The following SOX5 variants were observed in gnomAD, a reference collection of about 807,000 sequenced individuals.
SOX5 encodes the protein transcription factor SOX-5.
Under a neutral mutation model 92.0 loss-of-function variants are expected in SOX5, and 9 were observed. That is an observed-to-expected ratio of 0.10 (90% CI 0.06 to 0.17). The LOEUF (loss-of-function observed/expected upper bound fraction) is 0.17, where lower values mean the gene tolerates loss of function less well. SOX5 is among the 10% of genes least tolerant of loss of function. SOX5 has a pLI of 1.00. For synonymous variants in SOX5, 344 were observed against 336.3 expected, an observed-to-expected ratio of 1.02 and a Z score of -0.25; for missense variants, 642 against 944.5, an observed-to-expected ratio of 0.68 and a Z score of 4.20.
At chr12:24,112,956 G>A (rs2138178551) in intron 4 of SOX5, among the ~76,000 whole-genome samples, 1 of 151,760 alleles carries the variant, frequency 6.6e-6, no homozygotes, top group South Asian at 2.1e-4. Context: ...TATCAAGACT[G>A]AAAGCCATAA....
Position 23,977,403 on chromosome 12 carries a change from C to T in SOX5, c.-1-81379G>A, listed in dbSNP as rs972108263. Reference sequence around the variant, plus strand: ...AATAAAGGTGGGCCAAGCATGGTGGCTAACACCTGTAACCCCAGCACTTTG... The same window carrying T: ...AATAAAGGTGGGCCAAGCATGGTGGTTAACACCTGTAACCCCAGCACTTTG... On this transcript the variant is annotated intron_variant, in intron 4 of 4. Transcript: ENST00000446891. Among the ~76,000 whole-genome samples, 53 of 152,278 alleles carry T rather than the reference C, an allele frequency of 3.5e-4. 1 individual carries two copies. Among genetic ancestry groups the T allele is most frequent in the Non-Finnish European group, 6.5e-4 (44 of 68,016 alleles).
chr12:24,044,706 T>C lies in SOX5; in HGVS notation c.-1-148682A>G, dbSNP rs180929757. Among the ~76,000 whole-genome samples, 127 of 152,344 alleles carry C rather than the reference T, an allele frequency of 8.3e-4. 3 individuals carry two copies. The South Asian group carries it at 9.3e-3, about 11-fold the overall frequency. ...ACTGTCTTCATAAGGATTTCTACAA[T>C]GCATATTCCATATCGAACTGAACCT... is the stretch of plus-strand genomic sequence containing the variant. On this transcript the variant is annotated intron_variant, in intron 4 of 4. Coordinates refer to the SOX5 transcript ENST00000446891.
upstream of SOX5, among the ~76,000 whole-genome samples, chr12:23,951,731 T>A (rs1041262849): frequency 1.3e-5 from 2 of 151,988 alleles, no homozygotes; most frequent in Non-Finnish European, 2.9e-5. Flanking sequence ...TAACAAAACA[T>A]AGAACTATGA....
Position 24,393,875 on chromosome 12 carries a change from A to C in SOX5, c.-250-25236T>G, listed in dbSNP as rs541746604. Among the ~76,000 whole-genome samples the C allele has an allele frequency of 6.6e-6, 1 of 152,360 alleles. No individual in the cohort carries two copies. Among genetic ancestry groups the C allele is most frequent in the Admixed American group, 6.5e-5 (1 of 15,308 alleles). ...AAAAGAGAATAGCAAAAGAGAAAAG[A>C]CTAATTTTACATAGAATGGTTTGTA... is the stretch of plus-strand genomic sequence containing the variant. On this transcript the variant is annotated intron_variant, in intron 1 of 4. Transcript: ENST00000446891. The surrounding 1 kb of genome is among the most constrained non-coding windows in gnomAD (Gnocchi z 5.0).
chr12:24,367,903 T>C (rs528735590), intron 2 of SOX5: 7 of 152,184 alleles, frequency 4.6e-5, no homozygotes, highest in Non-Finnish European at 1.0e-4. Context: ...GAAAGCAGCA[T>C]TAGAATATAA....
chr12:24,338,804 G>C (rs1186760040), intron 2 of SOX5, among the ~76,000 whole-genome samples: 1 of 152,122 alleles, frequency 6.6e-6, no homozygotes, highest in South Asian at 2.1e-4. Flanking sequence ...CTACCACCAC[G>C]TAAGATGTGG....
At chr12:24,501,076 A>T (rs567889276) in intron 1 of SOX5, among the ~76,000 whole-genome samples, 1 of 152,218 alleles carries the variant, frequency 6.6e-6, no homozygotes, top group Non-Finnish European at 1.5e-5. Context: ...ATAAAGTTTC[A>T]TTACAAATTA....
chr12:24,214,032 T>A (rs1017046876), intron 3 of SOX5, among the ~76,000 whole-genome samples: 1 of 152,016 alleles, frequency 6.6e-6, no homozygotes, highest in Non-Finnish European at 1.5e-5. Flanking sequence ...ATGTATGGAA[T>A]ACATATGTGT....
chr12:24,449,410 C>T (rs1048842768), intron 1 of SOX5, among the ~76,000 whole-genome samples: 1 of 152,184 alleles, frequency 6.6e-6, no homozygotes, highest in East Asian at 1.9e-4. Flanking sequence ...CTAATATGTT[C>T]TCCCCATGAT....
At chr12:24,403,740 A>T (rs557278934) in intron 1 of SOX5, among the ~76,000 whole-genome samples, 1 of 152,202 alleles carries the variant, frequency 6.6e-6, no homozygotes, top group Non-Finnish European at 1.5e-5. Context: ...AATAAATATC[A>T]TTAGTGCAGC....
chr12:24,348,608 C>T (rs550695143), intron 2 of SOX5, among the ~76,000 whole-genome samples: 1 of 152,184 alleles, frequency 6.6e-6, no homozygotes, highest in South Asian at 2.1e-4. Flanking sequence ...GTCTGGAACT[C>T]CTGACCTCAG....
chr12:24,014,007 A>G (rs1178533625), intron 4 of SOX5, among the ~76,000 whole-genome samples: 1 of 152,196 alleles, frequency 6.6e-6, no homozygotes, highest in Non-Finnish European at 1.5e-5. Context: ...AGAGATGGGT[A>G]ATACCATTTG....
intron 6 of SOX5, among the ~76,000 whole-genome samples, chr12:23,721,520 A>C (rs2140565918): frequency 6.6e-6 from 1 of 152,306 alleles, no homozygotes; most frequent in Middle Eastern, 3.4e-3. Flanking sequence ...AACTTACAGT[A>C]AAAAAGAATG....
At chr12:24,449,990 T>C (rs1246280763) in intron 1 of SOX5, among the ~76,000 whole-genome samples, 1 of 152,204 alleles carries the variant, frequency 6.6e-6, no homozygotes, top group African/African-American at 2.4e-5. Context: ...ATCCTAAGAC[T>C]ACCTTTCTTT....
At chr12:24,258,747 G>T (rs986562897) in intron 3 of SOX5, among the ~76,000 whole-genome samples, 1 of 152,144 alleles carries the variant, frequency 6.6e-6, no homozygotes, top group African/African-American at 2.4e-5. Flanking sequence ...CTAGGTGAGT[G>T]CTTTTTAGCA....
intron 4 of SOX5, among the ~76,000 whole-genome samples, chr12:24,093,383 C>T (rs574884369): frequency 5.9e-5 from 9 of 151,926 alleles, no homozygotes; most frequent in Admixed American, 2.6e-4. Flanking sequence ...ACTAGCCAGG[C>T]GTGGTGGCGG....
chr12:24,020,511 G>T (rs562675294), intron 4 of SOX5, among the ~76,000 whole-genome samples: 1 of 152,256 alleles, frequency 6.6e-6, no homozygotes, highest in Non-Finnish European at 1.5e-5. Flanking sequence ...TGTGTGGTTA[G>T]CAAGTGTGGC....
At chr12:24,292,731 G>A (rs754198889) in intron 2 of SOX5, among the ~76,000 whole-genome samples, 8 of 152,222 alleles carry the variant, frequency 5.3e-5, no homozygotes, top group South Asian at 2.1e-4. Flanking sequence ...GCAAGGCCAT[G>A]TAATATTCTC....
At chr12:24,263,181 C>A (rs1942432848) in intron 3 of SOX5, among the ~76,000 whole-genome samples, 1 of 151,950 alleles carries the variant, frequency 6.6e-6, no homozygotes, top group Non-Finnish European at 1.5e-5. Context: ...GCCAAGATTG[C>A]ACCACTGCAC....
Sources: gnomAD v4.1 joint callset for allele counts (sites outside exome capture counted in the v4.1 genomes callset) on GRCh38, gnomAD v4.1.1 for gene constraint, Gnocchi (gnomAD v3.1) non-coding constraint, MANE v1.5 for transcripts, NCBI Gene and HGNC (gene_info 2026-07-23, HGNC 2026-07-21) for gene names.